Variants in AAAS observed in about 807,000 individuals in gnomAD.
The protein encoded by AAAS is aladin.
A neutral mutation model predicts 75.6 loss-of-function variants in AAAS; 60 were observed. The observed-to-expected ratio is 0.79, with a 90% confidence interval of 0.64 to 0.98. AAAS has a LOEUF of 0.98. Ranked by LOEUF, AAAS falls within the 50% of genes least tolerant of loss-of-function variation. AAAS has a pLI of 0.00. For synonymous variants in AAAS, 271 were observed against 265.0 expected (o/e 1.02, Z -0.22); for missense variants, 658 against 686.9 (o/e 0.96, Z 0.47).
rs113438661 is a variant in AAAS, at chr12:53,317,522, A to T, written c.252-1740T>A. Among the ~76,000 whole-genome samples, 143 of 151,678 alleles carry T rather than the reference A, an allele frequency of 9.4e-4. 1 individual carries two copies. Among genetic ancestry groups the T allele is most frequent in the African/African-American group, 3.3e-3 (137 of 41,302 alleles). ...CAGTGAGCCGAGATCGTGCCACTGC[A>T]CTCCAGCCTGGGCAACAGAGCGAGA... On this transcript the variant is annotated intron_variant, in intron 2 of 15. Transcript: ENST00000209873.
In AAAS at chr12:53,307,632, G is replaced by C; in HGVS notation, c.1498C>G (p.Arg500Gly). Residue 500 changes from arginine (R) to glycine (G), a missense_variant, in exon 16 of 16, where the codon CGG becomes GGG. By Grantham distance (125) the Arg-to-Gly change is moderately radical. Coordinates refer to ENST00000209873, the MANE Select transcript of AAAS (RefSeq NM_015665.6). ...QFPRFSPVLG[R>G]AQEPPAGGGG... ...CCCCCAGCAGGGGGTTCCTGGGCCC[G>C]CCCAAGCACTGGGCTAAAACGTGGA... 6.2e-7 allele frequency: 1 copy of C among 1,614,178 alleles called. No homozygotes were observed. The highest frequency in any genetic ancestry group is 8.5e-7 in the Non-Finnish European group (1 of 1,180,042).
intron 12 of AAAS, 24 bp downstream of exon 12, chr12:53,308,411 C>G (rs1199346321): frequency 6.2e-7 from 1 of 1,614,092 alleles, no homozygotes; most frequent in African/African-American, 1.3e-5. Flanking sequence ...TTTTCACTGC[C>G]ACTCCCTCAA....
intron 1 of AAAS, chr12:53,321,044 C>T (rs1222902673): frequency 1.8e-6 from 1 of 552,964 alleles, no homozygotes; most frequent in African/African-American, 1.9e-5. Context: ...TCCTTCTGAT[C>T]CTCCCCAGAT....
At chr12:53,317,041 GT>G (rs995913772) in intron 2 of AAAS, among the ~76,000 whole-genome samples, 40 of 151,514 alleles carry the variant, frequency 2.6e-4, no homozygotes, top group Admixed American at 2.6e-3. Context: ...CGTGTTCCAT[GT>G]TTGCGCCACT....
Position 53,309,728 on chromosome 12 carries a change from G to A in AAAS, c.690-7C>T. ...GGCACAGCCAGAAGAGGGTCTGGAGGGGAACACAGAGGATGTGGAGTCAGA... is the reference window on the plus strand; with the variant it reads ...GGCACAGCCAGAAGAGGGTCTGGAGAGGAACACAGAGGATGTGGAGTCAGA... On this transcript the variant is annotated splice_region_variant and splice_polypyrimidine_tract_variant and intron_variant, in intron 7 of 15. Transcript: ENST00000209873. The A allele has an allele frequency of 6.2e-7, 1 of 1,612,630 alleles. No homozygotes were observed. The highest frequency in any genetic ancestry group is 8.5e-7 in the Non-Finnish European group (1 of 1,179,566).
At chr12:53,318,257 T>TGCGTGTGTGTGC (rs1375701755) in intron 2 of AAAS, among the ~76,000 whole-genome samples, 2 of 141,590 alleles carry the variant, frequency 1.4e-5, no homozygotes, top group East Asian at 4.0e-4. Context: ...TGTGTGTGTG[T>TGCGTGTGTGTGC]GTGTGTGTGT....
intron 2 of AAAS, among the ~76,000 whole-genome samples, chr12:53,318,569 C>A (rs1944503265): frequency 1.3e-5 from 2 of 152,084 alleles, no homozygotes; most frequent in African/African-American, 2.4e-5. Flanking sequence ...TTAATATGAA[C>A]AAGGTAATCT....
chr12:53,314,813 G>A lies in AAAS; in HGVS notation c.483C>T (p.Pro161=). Residue 161 remains proline (P), a synonymous_variant, in exon 6 of 16, where the codon CCC becomes CCT. Transcript: ENST00000209873. ...SCCLRVFAWH[P]HTNKFAVALL... ...GGGCCACTGCAAACTTGTTGGTGTGGGGGTGCCATGCAAAGACACGCAAGC... is the reference window on the plus strand; with the variant it reads ...GGGCCACTGCAAACTTGTTGGTGTGAGGGTGCCATGCAAAGACACGCAAGC... 1 of 1,613,944 alleles carries A rather than the reference G, an allele frequency of 6.2e-7. No individual in the cohort carries two copies. Among genetic ancestry groups the A allele is most frequent in the Non-Finnish European group, 8.5e-7 (1 of 1,179,986 alleles).
chr12:53,309,697 C>T lies in AAAS; in HGVS notation c.714G>A (p.Val238=), dbSNP rs1944356372. The change falls in exon 8 of 16, where the codon GTG becomes GTA. Residue 238 remains valine, a synonymous_variant. Transcript: ENST00000209873. ...CAGGTGTATGCCCAGGGTGAGACAGCACTTGGGCACAGCCAGAAGAGGGTC... is the reference window on the plus strand; with the variant it reads ...CAGGTGTATGCCCAGGGTGAGACAGTACTTGGGCACAGCCAGAAGAGGGTC... ...STRPSSGCAQ[V]LSHPGHTPVT... 3.1e-6 allele frequency: 5 copies of T among 1,613,186 alleles called. No individual in the cohort carries two copies. Among genetic ancestry groups the T allele is most frequent in the Admixed American group, 1.7e-5 (1 of 59,894 alleles).
Position 53,314,243 on chromosome 12 carries a change from A to T in AAAS, c.689+55T>A. On this transcript the variant is annotated intron_variant, in intron 7 of 15. Coordinates refer to ENST00000209873, the MANE Select transcript of AAAS (RefSeq NM_015665.6). ...CTTTCAGACGTCCTCACCACCCACCATGCCTAGCATTGCACAACTCTCAGG... is the reference window on the plus strand; with the variant it reads ...CTTTCAGACGTCCTCACCACCCACCTTGCCTAGCATTGCACAACTCTCAGG... 1.9e-6 allele frequency: 3 copies of T among 1,612,014 alleles called. No homozygotes were observed. In the South Asian group the frequency reaches 3.3e-5, roughly 18 times the overall value.
At position 53,320,685 on chromosome 12, in the gene AAAS, T is replaced by C. The variant is rs370202251; in HGVS notation, c.131A>G (p.Asn44Ser). The C allele has an allele frequency of 4.0e-5, 65 of 1,613,994 alleles. No homozygotes were observed. The African/African-American group carries it at 6.5e-4, about 16-fold the overall frequency. Residue 44 changes from asparagine (N) to serine (S), a missense_variant, in exon 2 of 16, where the codon AAT (asparagine) becomes AGT (serine). Asn to Ser is a conservative substitution (Grantham distance 46). Transcript: ENST00000209873. ...CTTTGTCAGTTGTAGGACAGGAAGA[T>C]TGATCCACTATAGCACAAAAGTGAG... ...PPPDFRGQWINLPVLQLTKDP... is the reference protein window; with the variant it reads ...PPPDFRGQWISLPVLQLTKDP...
intron 7 of AAAS, among the ~76,000 whole-genome samples, chr12:53,311,359 C>G (rs1451281962): frequency 6.6e-6 from 1 of 152,164 alleles, no homozygotes; most frequent in Non-Finnish European, 1.5e-5. Context: ...CTCCTGGGTT[C>G]AAGTGAATTC....
At chr12:53,319,177 T>TA (rs1470490313) in intron 2 of AAAS, among the ~76,000 whole-genome samples, 2 of 152,040 alleles carry the variant, frequency 1.3e-5, no homozygotes, top group Non-Finnish European at 2.9e-5. Context: ...ATGGTAATGG[T>TA]ATTAATAAAA....
intron 2 of AAAS, among the ~76,000 whole-genome samples, chr12:53,316,495 G>A (rs576757453): frequency 1.8e-4 from 26 of 147,292 alleles, no homozygotes; most frequent in Admixed American, 1.2e-3. Context: ...AAGGCCAGGC[G>A]CGGTGGCTCA....
intron 2 of AAAS, among the ~76,000 whole-genome samples, chr12:53,317,658 C>T (rs1363081095): frequency 2.0e-5 from 3 of 151,302 alleles, no homozygotes; most frequent in Non-Finnish European, 4.4e-5. Flanking sequence ...AGAAGAATTG[C>T]TTGAACCCAG....
Position 53,320,899 on chromosome 12 carries a change from G to T in AAAS, c.124-207C>A, listed in dbSNP as rs567284105. ...TAGAATAATATTTCATAGGGTTGCT[G>T]TGATTATGAAACCATATGACATTTT... On this transcript the variant is annotated intron_variant, in intron 1 of 15. Transcript: ENST00000209873. 1.8e-5 allele frequency: 11 copies of T among 627,924 alleles called. No homozygotes were observed. In the South Asian group the frequency reaches 2.1e-4, roughly 12 times the overall value. The allele number at this position is 627,924 out of a possible 1,614,324, so 38.9% of individuals were successfully genotyped here.
At chr12:53,309,859 A>T in intron 7 of AAAS, 138 bp from the exon 8 acceptor site, 6 of 1,334,168 alleles carry the variant, frequency 4.5e-6, no homozygotes, top group Non-Finnish European at 6.2e-6. Flanking sequence ...AAAAAGGAAT[A>T]AGGATTGTGA....
chr12:53,309,601 C>A lies in AAAS; in HGVS notation c.810G>T (p.Arg270=), dbSNP rs535202349. ...GCATGAGGGGCAGGGACCCACTCAC[C>A]CGGATAGCAGCATCCACGGGTGAAG... ...LSASPVDAAI[R]VWDVSTETCV... Residue 270 remains arginine, a splice_region_variant and synonymous_variant, in exon 8 of 16, where the codon CGG becomes CGT. Coordinates refer to ENST00000209873, the MANE Select transcript of AAAS (RefSeq NM_015665.6). The A allele has an allele frequency of 6.2e-7, 1 of 1,613,726 alleles. No homozygotes were observed. Among genetic ancestry groups the A allele is most frequent in the South Asian group, 1.1e-5 (1 of 90,960 alleles).
In AAAS at chr12:53,307,749, G is replaced by C. The variant is rs773249176; in HGVS notation, c.1417-36C>G. 5 of 1,613,580 alleles carry C rather than the reference G, an allele frequency of 3.1e-6. No homozygotes were observed. The South Asian group carries it at 3.3e-5, about 11-fold the overall frequency. ...GGGAAAGAAAAGGATCAGAGTCTGGGCCCAAAGAAGGGCCACCTGGCAGAG... is the reference window on the plus strand; with the variant it reads ...GGGAAAGAAAAGGATCAGAGTCTGGCCCCAAAGAAGGGCCACCTGGCAGAG... On this transcript the variant is annotated intron_variant, in intron 15 of 15. Transcript: ENST00000209873.
Sources: allele counts gnomAD v4.1 joint callset (sites outside exome capture counted in the v4.1 genomes callset), GRCh38; gene constraint gnomAD v4.1.1; transcripts MANE v1.5; gene names NCBI Gene and HGNC (gene_info 2026-07-23, HGNC 2026-07-21).